Variants in ELP4 observed in about 807,000 individuals in gnomAD.
ELP4 encodes the protein elongator acetyltransferase complex subunit 4, also known as elongator complex protein 4.
A neutral mutation model predicts 48.9 loss-of-function variants in ELP4; 51 were observed. That is an observed-to-expected ratio of 1.04 (90% CI 0.83 to 1.32). ELP4 has a LOEUF of 1.32. Among genes scored for constraint, ELP4 ranks in the 40% most tolerant of loss-of-function variants. The probability of loss-of-function intolerance (pLI) is 0.00; values close to 1 mark genes in which losing one functional copy is unlikely to be tolerated. For synonymous variants in ELP4, 210 were observed against 189.2 expected, an observed-to-expected ratio of 1.11 and a Z score of -0.90; for missense variants, 519 against 514.6, an observed-to-expected ratio of 1.01 and a Z score of -0.08.
chr11:31,557,227 G>A (rs1403612696), intron 3 of ELP4, among the ~76,000 whole-genome samples: 3 of 151,478 alleles, frequency 2.0e-5, no homozygotes, highest in Non-Finnish European at 3.0e-5. Context: ...TTAATAATTC[G>A]AAGGGTTTAT....
Position 31,603,818 on chromosome 11 carries a change from A to C in ELP4, c.564A>C (p.Lys188Asn). The stretch of plus-strand genomic sequence containing the variant: ...TTGGTCACTATTATGATGCATCAAA[A>C]AGAATGCCACAAGAACTAATTGAGG... ...SRFGHYYDAS[K>N]RMPQELIEAS... Residue 188 changes from lysine to asparagine, a missense_variant, in exon 5 of 10, where the codon AAA becomes AAC. Lys to Asn is a moderately conservative substitution (Grantham distance 94). Transcript: ENST00000640961. 6.2e-7 allele frequency: 1 copy of C among 1,611,452 alleles called. No homozygotes were observed. Among genetic ancestry groups the C allele is most frequent in the Non-Finnish European group, 8.5e-7 (1 of 1,178,236 alleles).
intron 5 of ELP4, among the ~76,000 whole-genome samples, chr11:31,605,446 A>G (rs1957857047): frequency 6.6e-6 from 1 of 152,084 alleles, no homozygotes; most frequent in African/African-American, 2.4e-5. Context: ...ATTTTCCCAT[A>G]ATTTTTCAAA....
intron 9 of ELP4, among the ~76,000 whole-genome samples, chr11:31,715,811 A>C (rs1365215706): frequency 1.3e-5 from 2 of 152,172 alleles, no homozygotes; most frequent in Non-Finnish European, 2.9e-5. Flanking sequence ...GTAACTATAC[A>C]TTAAGTCACT....
intron 9 of ELP4, among the ~76,000 whole-genome samples, chr11:31,755,992 C>T (rs188630152): frequency 1.3e-5 from 2 of 152,268 alleles, no homozygotes; most frequent in Non-Finnish European, 2.9e-5. Context: ...CTGAATTTTC[C>T]TACATATCCG....
intron 9 of ELP4, among the ~76,000 whole-genome samples, chr11:31,718,729 C>G (rs1402302173): frequency 6.6e-6 from 1 of 152,210 alleles, no homozygotes; most frequent in African/African-American, 2.4e-5. Flanking sequence ...GGTCAAACTG[C>G]TTAGATGGCA....
chr11:31,597,314 G>A (rs1444950906), intron 4 of ELP4, among the ~76,000 whole-genome samples: 2 of 152,116 alleles, frequency 1.3e-5, no homozygotes, highest in Non-Finnish European at 2.9e-5. Flanking sequence ...TTAAAAAATA[G>A]AAGGAAGCTC....
At chr11:31,781,216 G>A (rs980725646) in intron 9 of ELP4, among the ~76,000 whole-genome samples, 2 of 152,122 alleles carry the variant, frequency 1.3e-5, no homozygotes, top group South Asian at 2.1e-4. Context: ...ACCATCTGAC[G>A]TCATTTGTCA....
chr11:31,783,773 A>G lies in ELP4; in HGVS notation c.*249A>G, dbSNP rs1222809500. On this transcript the variant is annotated 3_prime_UTR_variant, in exon 10 of 10. Coordinates refer to ENST00000640961, the MANE Select transcript of ELP4 (RefSeq NM_019040.5). ...TTTAAATAAACGCCAAAAAATGTCA[A>G]AATCTCAAGATTCCTGACAGTGGTC... 1 of 341,618 alleles carries G rather than the reference A, an allele frequency of 2.9e-6. No individual in the cohort carries two copies. Among genetic ancestry groups the G allele is most frequent in the Non-Finnish European group, 5.3e-6 (1 of 187,028 alleles). 21.2% of individuals were successfully genotyped at this position (341,618 alleles called of 1,614,324 possible). A position where few individuals can be genotyped will look rare whatever the true frequency, so the allele number is the denominator to read the frequency against.
intron 9 of ELP4, among the ~76,000 whole-genome samples, chr11:31,721,636 G>A (rs924451412): frequency 1.3e-5 from 2 of 151,902 alleles, no homozygotes; most frequent in African/African-American, 4.8e-5. Flanking sequence ...GTCTTGTGGG[G>A]AATTTTGGGG....
chr11:31,700,926 A>T (rs1946508928), intron 9 of ELP4, among the ~76,000 whole-genome samples: 1 of 151,894 alleles, frequency 6.6e-6, no homozygotes, highest in Admixed American at 6.6e-5. Context: ...GAGTGAGTAG[A>T]TTTCTTCCTC....
intron 9 of ELP4, among the ~76,000 whole-genome samples, chr11:31,757,319 G>A (rs1947853018): frequency 6.6e-6 from 1 of 152,076 alleles, no homozygotes; most frequent in South Asian, 2.1e-4. Flanking sequence ...GTTAGTGGAA[G>A]GGGAAAGATC....
intron 3 of ELP4, among the ~76,000 whole-genome samples, chr11:31,563,836 G>T (rs1295598535): frequency 2.0e-5 from 3 of 152,092 alleles, no homozygotes; most frequent in African/African-American, 7.2e-5. Flanking sequence ...CCTCTGTTAG[G>T]AAAGAAAGAT....
rs190670197 is a variant in ELP4 at position 31,596,387 on chromosome 11, G to C, written c.513+1486G>C. Among the ~76,000 whole-genome samples, 206 of 152,276 alleles carry C rather than the reference G, an allele frequency of 1.4e-3. 1 individual carries two copies. The highest frequency in any genetic ancestry group is 3.9e-3 in the Admixed American group (59 of 15,300). ...CCACTGCACTCCAGCCTGGGCGACA[G>C]AGCAGGACTCCGTCTCAAAAAACAT... On this transcript the variant is annotated intron_variant, in intron 4 of 9. Transcript: ENST00000640961.
chr11:31,649,863 C>G, intron 8 of ELP4: 2 of 318,332 alleles, frequency 6.3e-6, no homozygotes, highest in Admixed American at 4.9e-5. Context: ...ATTAAGATCC[C>G]TCTTTACATC....
chr11:31,548,796 C>G (rs1401235355), intron 3 of ELP4, among the ~76,000 whole-genome samples: 2 of 152,204 alleles, frequency 1.3e-5, no homozygotes, highest in Non-Finnish European at 1.5e-5. Context: ...AGATATAGAT[C>G]AATGGAACAG....
chr11:31,542,079 A>C (rs1371292197), intron 3 of ELP4, among the ~76,000 whole-genome samples: 1 of 152,212 alleles, frequency 6.6e-6, no homozygotes, highest in African/African-American at 2.4e-5. Flanking sequence ...AAAACAAAAA[A>C]CAAACATAAA....
chr11:31,510,044 G>A, intron 1 of ELP4, 37 bp downstream of exon 1: 1 of 1,586,202 alleles, frequency 6.3e-7, no homozygotes, highest in Non-Finnish European at 8.6e-7. Flanking sequence ...CAGCCGAGGG[G>A]AAACTTAGGG....
intron 2 of ELP4, among the ~76,000 whole-genome samples, chr11:31,536,693 C>A (rs559469357): frequency 1.3e-5 from 2 of 152,192 alleles, no homozygotes; most frequent in Non-Finnish European, 2.9e-5. Flanking sequence ...TTTTGCATTG[C>A]AACTAACAAT....
At chr11:31,511,886 C>T (rs1229117428) in intron 1 of ELP4, 2 of 152,076 alleles carry the variant, frequency 1.3e-5, no homozygotes, top group African/African-American at 4.8e-5. Flanking sequence ...GTGTAACAAG[C>T]TTATGCTAAA....
Sources: gnomAD v4.1 joint callset for allele counts (sites outside exome capture counted in the v4.1 genomes callset) on GRCh38, gnomAD v4.1.1 for gene constraint, MANE v1.5 for transcripts, NCBI Gene and HGNC (gene_info 2026-07-23, HGNC 2026-07-21) for gene names.